KLF12: variants seen among roughly 807,000 people sequenced by gnomAD.
KLF12 encodes the protein Krueppel-like factor 12.
In KLF12, 9 loss-of-function variants were observed where a neutral mutation model predicts 37.8. The observed-to-expected ratio is 0.24, with a 90% CI of 0.14 to 0.42. The LOEUF (loss-of-function observed/expected upper bound fraction) is 0.42, where lower values mean the gene tolerates loss of function less well. Among genes scored for constraint, KLF12 ranks in the 10% least tolerant of loss-of-function variants. The pLI is 1.00. For synonymous variants in KLF12, 208 were observed against 202.1 expected (o/e 1.03, Z -0.25); for missense variants, 411 against 516.0 (o/e 0.80, Z 1.97).
chr13:73,704,595 TTC>T (rs1429319735), intron 7 of KLF12, among the ~76,000 whole-genome samples: 1 of 152,214 alleles, frequency 6.6e-6, no homozygotes, highest in African/African-American at 2.4e-5. Flanking sequence ...TTTCTAATGA[TTC>T]TGTTTCTCCG....
the KLF12 span, among the ~76,000 whole-genome samples, chr13:74,173,350 T>A: frequency 6.6e-6 from 1 of 152,234 alleles, no homozygotes; most frequent in African/African-American, 2.4e-5. Context: ...TCTCCGAAGC[T>A]TCTTTCTTCC....
intron 1 of KLF12, among the ~76,000 whole-genome samples, chr13:74,025,961 T>C (rs1279859442): frequency 6.6e-6 from 1 of 152,180 alleles, no homozygotes; most frequent in African/African-American, 2.4e-5. Context: ...TTAAATAATT[T>C]GGATTTGCTA....
At chr13:73,796,540 T>TGTGTGTGTGG (rs1359262433) in intron 5 of KLF12, among the ~76,000 whole-genome samples, 1 of 143,760 alleles carries the variant, frequency 7.0e-6, no homozygotes, top group Non-Finnish European at 1.5e-5. Context: ...TGTGTGTGTG[T>TGTGTGTGTGG]GTGTGTGTTA....
the KLF12 span, among the ~76,000 whole-genome samples, chr13:74,194,010 T>C: frequency 2.0e-5 from 3 of 152,180 alleles, no homozygotes; most frequent in African/African-American, 7.2e-5. Context: ...TTTGGATATA[T>C]ATTTGTTGTA....
At position 73,696,224 on chromosome 13, in the gene KLF12, T is replaced by C. The variant is rs146558259; in HGVS notation, c.1028-553A>G. Among the ~76,000 whole-genome samples, 765 of 152,298 alleles carry C rather than the reference T, an allele frequency of 5.0e-3. 6 individuals carry two copies. The highest frequency in any genetic ancestry group is 0.017 in the African/African-American group (716 of 41,570). On this transcript the variant is annotated intron_variant, in intron 7 of 7. Coordinates refer to ENST00000377669, the MANE Select transcript of KLF12 (RefSeq NM_007249.5). ...ATTAAGTACATATTGTTCATAGATA[T>C]CTATTTTTTGCTTGTTCTTTGGGGG...
At chr13:73,919,637 G>A (rs183244503) in intron 3 of KLF12, among the ~76,000 whole-genome samples, 2 of 152,150 alleles carry the variant, frequency 1.3e-5, no homozygotes, top group African/African-American at 2.4e-5. Context: ...CATTTCACTC[G>A]TCTCCAATTC....
intron 3 of KLF12, among the ~76,000 whole-genome samples, chr13:73,847,332 G>A (rs1174735239): frequency 2.0e-5 from 3 of 152,080 alleles, no homozygotes; most frequent in Non-Finnish European, 4.4e-5. Context: ...TCCCATTTAT[G>A]AGGAACAAAA....
chr13:73,806,895 T>A (rs10467618), intron 5 of KLF12, among the ~76,000 whole-genome samples: 31,444 of 151,910 alleles, frequency 0.21, 3,834 homozygotes, highest in Middle Eastern at 0.36. Flanking sequence ...AACACCATCA[T>A]ACATGAGGAG....
the KLF12 span, among the ~76,000 whole-genome samples, chr13:74,294,431 C>T: frequency 5.9e-5 from 9 of 151,964 alleles, no homozygotes; most frequent in Non-Finnish European, 8.8e-5. Flanking sequence ...TGCGGTGGTG[C>T]GATCTCGGCT....
intron 3 of KLF12, among the ~76,000 whole-genome samples, chr13:73,915,861 C>T (rs555842766): frequency 2.6e-5 from 4 of 151,976 alleles, no homozygotes; most frequent in Admixed American, 2.0e-4. Flanking sequence ...TTAGGATTGA[C>T]TTTCTCTCTT....
intron 1 of KLF12, among the ~76,000 whole-genome samples, chr13:74,116,412 C>T (rs538490226): frequency 7.2e-5 from 11 of 152,258 alleles, no homozygotes; most frequent in South Asian, 4.1e-4. Context: ...TTTTACAGCA[C>T]GTGTAGTTTT....
chr13:74,137,962 T>C (rs988904819), upstream of KLF12, among the ~76,000 whole-genome samples: 1 of 152,212 alleles, frequency 6.6e-6, no homozygotes, highest in African/African-American at 2.4e-5. Context: ...GGTTTCTCCA[T>C]GTTGGTCAGG....
At chr13:74,277,033 T>C in the KLF12 span, among the ~76,000 whole-genome samples, 109,123 of 152,150 alleles carry the variant, frequency 0.72, 40,192 homozygotes, top group South Asian at 0.88. Flanking sequence ...GGTCTACTCT[T>C]CTCAAATCAG....
At chr13:73,985,743 A>G (rs1290354805) in intron 2 of KLF12, among the ~76,000 whole-genome samples, 1 of 152,168 alleles carries the variant, frequency 6.6e-6, no homozygotes, top group African/African-American at 2.4e-5. Flanking sequence ...CCTCTCACAG[A>G]TTTTGCTCCC....
At chr13:74,091,668 G>A (rs1875667756) in intron 1 of KLF12, among the ~76,000 whole-genome samples, 1 of 149,958 alleles carries the variant, frequency 6.7e-6, no homozygotes. Flanking sequence ...GGGAGAGGGA[G>A]AGATCAACAG....
chr13:74,209,147 T>C, the KLF12 span, among the ~76,000 whole-genome samples: 1 of 151,992 alleles, frequency 6.6e-6, no homozygotes, highest in South Asian at 2.1e-4. Flanking sequence ...ACGTGTTCCA[T>C]AGCCAAGGAT....
intron 1 of KLF12, among the ~76,000 whole-genome samples, chr13:74,005,143 T>C (rs925557319): frequency 5.3e-5 from 8 of 152,196 alleles, no homozygotes; most frequent in Admixed American, 5.2e-4. Flanking sequence ...CCCTCAACTC[T>C]TAGATTCTTT....
intron 3 of KLF12, among the ~76,000 whole-genome samples, chr13:73,882,322 C>A (rs1887019201): frequency 6.6e-6 from 1 of 152,168 alleles, no homozygotes; most frequent in Non-Finnish European, 1.5e-5. Context: ...TCATTCTGAT[C>A]ATTTCTGACT....
At chr13:73,855,493 C>T (rs1470126222) in intron 3 of KLF12, among the ~76,000 whole-genome samples, 1 of 152,206 alleles carries the variant, frequency 6.6e-6, no homozygotes, top group Non-Finnish European at 1.5e-5. Flanking sequence ...ATCCAGTCCA[C>T]TGCTGGTGGG....
Sources: gnomAD v4.1 joint callset for allele counts (sites outside exome capture counted in the v4.1 genomes callset) on GRCh38, gnomAD v4.1.1 for gene constraint, MANE v1.5 for transcripts, NCBI Gene and HGNC (gene_info 2026-07-23, HGNC 2026-07-21) for gene names.